The following BIVM variants were observed in gnomAD, a reference collection of about 807,000 sequenced individuals.
The protein encoded by BIVM is basic, immunoglobulin-like variable motif containing.
In BIVM, 31 loss-of-function variants were observed where a neutral mutation model predicts 61.4. The ratio of observed to expected loss-of-function variants is 0.51; its 90% CI spans 0.38 to 0.68. The LOEUF is 0.68. Ranked by LOEUF, BIVM falls within the 30% of genes least tolerant of loss-of-function variation. The pLI, the probability that BIVM is intolerant of heterozygous loss-of-function variation, is 0.00. For missense variants in BIVM, 526 were observed against 596.0 expected (o/e 0.88, Z 1.22); for synonymous variants, 189 against 210.7 (o/e 0.90, Z 0.89).
rs1022690755 is a variant in BIVM, at chr13:102,841,365, C to G, written c.*1500C>G. Reference sequence around the variant, plus strand: ...ATATCCGTTTGTTCACTCGTACATGCCTAGCCTACAGAAGGGGATATATAT... The same window carrying G: ...ATATCCGTTTGTTCACTCGTACATGGCTAGCCTACAGAAGGGGATATATAT... On this transcript the variant is annotated 3_prime_UTR_variant, in exon 11 of 11. Transcript: ENST00000257336. The G allele has an allele frequency of 1.3e-5, 2 of 152,380 alleles. No individual in the cohort carries two copies. Among genetic ancestry groups the G allele is most frequent in the African/African-American group, 4.8e-5 (2 of 41,322 alleles). 9.4% of individuals were successfully genotyped at this position (152,380 alleles called of 1,614,324 possible). A position where few individuals can be genotyped will look rare whatever the true frequency, so the allele number is the denominator to read the frequency against.
At chr13:102,826,829 G>A (rs1233797998) in intron 7 of BIVM, among the ~76,000 whole-genome samples, 1 of 152,142 alleles carries the variant, frequency 6.6e-6, no homozygotes, top group South Asian at 2.1e-4. Flanking sequence ...AGATGGGTCA[G>A]TCAAAGTAAA....
chr13:102,807,222 G>A lies in BIVM; in HGVS notation c.-46G>A. On this transcript the variant is annotated 5_prime_UTR_variant, in exon 3 of 11. Coordinates refer to ENST00000257336, the MANE Select transcript of BIVM (RefSeq NM_017693.4). The surrounding 1 kb of genome is among the most constrained non-coding windows in gnomAD (Gnocchi z 4.0). ...AAAGTTGTTTATCAAGAAACAGATA[G>A]AGTTGCAACTTGTTTCTAGTAATAG... is the stretch of plus-strand genomic sequence containing the variant. 6 of 1,528,942 alleles carry A rather than the reference G, an allele frequency of 3.9e-6. No homozygotes were observed. The highest frequency in any genetic ancestry group is 1.4e-5 in the African/African-American group (1 of 72,446). The allele number at this position is 1,528,942 out of a possible 1,614,324, so 94.7% of individuals were successfully genotyped here. A position where few individuals can be genotyped will look rare whatever the true frequency, so the allele number is the denominator to read the frequency against.
At chr13:102,834,361 G>A (rs1881321775) in intron 8 of BIVM, 105 bp from the exon 9 acceptor site, 1 of 1,107,262 alleles carries the variant, frequency 9.0e-7, no homozygotes, top group Non-Finnish European at 1.3e-6. Context: ...ATGAATGAAT[G>A]CCAGGTTTGA....
intron 3 of BIVM, among the ~76,000 whole-genome samples, chr13:102,809,701 A>AGAT (rs2139158084): frequency 6.6e-6 from 1 of 152,280 alleles, no homozygotes; most frequent in East Asian, 1.9e-4. Context: ...TTTTACGTGT[A>AGAT]CAGTTTAGTG....
intron 7 of BIVM, among the ~76,000 whole-genome samples, chr13:102,825,037 G>A (rs1272397152): frequency 1.3e-5 from 2 of 152,002 alleles, no homozygotes; most frequent in African/African-American, 2.4e-5. Context: ...CCACCTGCTG[G>A]GTTCACGCTA....
intron 8 of BIVM, among the ~76,000 whole-genome samples, chr13:102,832,901 T>C (rs7334686): frequency 1 from 152,239 of 152,270 alleles, 76,104 homozygotes; most frequent in Middle Eastern, 1. Context: ...TTTTTTCCTG[T>C]TTAGCCACTT....
At chr13:102,814,970 G>A (rs762820344) in intron 3 of BIVM, among the ~76,000 whole-genome samples, 6 of 152,078 alleles carry the variant, frequency 3.9e-5, no homozygotes, top group Non-Finnish European at 8.8e-5. Flanking sequence ...CTTGAGCCCC[G>A]GAGGCAGAGG....
intron 7 of BIVM, among the ~76,000 whole-genome samples, chr13:102,825,408 T>C (rs1880604508): frequency 6.6e-6 from 1 of 152,180 alleles, no homozygotes; most frequent in East Asian, 1.9e-4. Context: ...CAATTTTCTT[T>C]TGATTTTTAA....
At chr13:102,813,258 G>A (rs1879623509) in intron 3 of BIVM, among the ~76,000 whole-genome samples, 1 of 151,918 alleles carries the variant, frequency 6.6e-6, no homozygotes, top group Admixed American at 6.6e-5. Context: ...ATGAGATTTA[G>A]GCCTTCTTCC....
At chr13:102,799,773 G>A (rs1026856404) in intron 1 of BIVM, among the ~76,000 whole-genome samples, 1 of 152,230 alleles carries the variant, frequency 6.6e-6, no homozygotes, top group Non-Finnish European at 1.5e-5. Flanking sequence ...GGAGTAGGGG[G>A]AAGAGCTGTG....
chr13:102,808,646 G>C (rs1415698940), intron 3 of BIVM, among the ~76,000 whole-genome samples: 3 of 152,146 alleles, frequency 2.0e-5, no homozygotes, highest in African/African-American at 7.2e-5. Context: ...AATGCCTTTG[G>C]CCAGTTTTGG....
chr13:102,800,372 A>G (rs1355516046), intron 1 of BIVM: 1 of 152,144 alleles, frequency 6.6e-6, no homozygotes, highest in African/African-American at 2.4e-5. Flanking sequence ...GGGAAGGTAG[A>G]GGAGGGAGTA....
rs1378981336 is a variant in BIVM, at chr13:102,831,902, G to A, written c.1034+205G>A. The stretch of plus-strand genomic sequence containing the variant: ...AAAAAAAAAAAAAAAAAAATTAGCC[G>A]GGCGTGGTGGCAGGCGCCTGTAGTC... On this transcript the variant is annotated intron_variant, in intron 8 of 10. Transcript: ENST00000257336. Among the ~76,000 whole-genome samples, 8 of 150,580 alleles carry A rather than the reference G, an allele frequency of 5.3e-5. No individual in the cohort carries two copies. The East Asian group carries it at 7.8e-4, about 15-fold the overall frequency.
Position 102,821,878 on chromosome 13 carries a change from G to A in BIVM, c.806+31G>A, listed in dbSNP as rs200628135. 11 of 1,600,912 alleles carry A rather than the reference G, an allele frequency of 6.9e-6. No homozygotes were observed. In the African/African-American group the frequency reaches 8.1e-5, roughly 12 times the overall value. ...AAGACCCTCTTAGAGGCAATATCGT[G>A]TTTCTAGTTTTGCAAAATAATAATG... On this transcript the variant is annotated intron_variant, in intron 6 of 10. Transcript: ENST00000257336.
At chr13:102,836,397 C>T (rs765894871) in intron 9 of BIVM, among the ~76,000 whole-genome samples, 26 of 152,180 alleles carry the variant, frequency 1.7e-4, no homozygotes, top group Admixed American at 3.9e-4. Context: ...ACTAAAGCCT[C>T]GACCTCCTGG....
At chr13:102,820,789 C>A in intron 4 of BIVM, 1 of 396,488 alleles carries the variant, frequency 2.5e-6, no homozygotes, top group Non-Finnish European at 4.5e-6. Context: ...ATTTTTTTTC[C>A]CATTGGTTTG....
intron 8 of BIVM, among the ~76,000 whole-genome samples, chr13:102,833,051 G>C (rs544371078): frequency 3.9e-5 from 6 of 151,962 alleles, no homozygotes; most frequent in South Asian, 2.1e-4. Context: ...TTGCACCCAG[G>C]AGTTCAAGAC....
intron 3 of BIVM, among the ~76,000 whole-genome samples, chr13:102,812,040 A>T (rs533963935): frequency 1.3e-5 from 2 of 152,202 alleles, no homozygotes; most frequent in South Asian, 4.2e-4. Context: ...TGGTGTCCCC[A>T]GGTCCCTTAA....
At chr13:102,831,469 G>T in intron 7 of BIVM, 96 bp from the exon 8 acceptor site, 1 of 1,527,280 alleles carries the variant, frequency 6.5e-7, no homozygotes, top group Non-Finnish European at 8.8e-7. Context: ...TCCAAGTAAT[G>T]TCTTTTCTGT....
Sources: allele counts gnomAD v4.1 joint callset (sites outside exome capture counted in the v4.1 genomes callset), GRCh38; gene constraint gnomAD v4.1.1; non-coding constraint Gnocchi (gnomAD v3.1); transcripts MANE v1.5; gene names NCBI Gene and HGNC (gene_info 2026-07-23, HGNC 2026-07-21).